Variants in CD8B2 observed in about 807,000 individuals in gnomAD.
CD8B2 encodes T-cell surface glycoprotein CD8 beta-2 chain.
CD8B2 carries 11 observed loss-of-function variants against 23.7 expected under a neutral mutation model. The ratio of observed to expected loss-of-function variants is 0.46; its 90% CI spans 0.29 to 0.77. The LOEUF is 0.77. Among genes scored for constraint, CD8B2 ranks in the 30% least tolerant of loss-of-function variants. The pLI is 0.09. For synonymous variants in CD8B2, 90 were observed against 109.3 expected, an observed-to-expected ratio of 0.82 and a Z score of 1.10; for missense variants, 197 against 270.5, an observed-to-expected ratio of 0.73 and a Z score of 1.91.
At chr2:106,502,908 C>T (rs891705986) in intron 4 of CD8B2, among the ~76,000 whole-genome samples, 9 of 151,852 alleles carry the variant, frequency 5.9e-5, no homozygotes, top group South Asian at 2.1e-4. Flanking sequence ...GCCTGGCACT[C>T]GGCACGTGTC....
intron 5 of CD8B2, among the ~76,000 whole-genome samples, chr2:106,528,198 C>T (rs993587294): frequency 6.6e-6 from 1 of 152,140 alleles, no homozygotes; most frequent in Non-Finnish European, 1.5e-5. Flanking sequence ...TCCTCAGATG[C>T]TTTGCCCATT....
chr2:106,521,531 T>A (rs1679825977), intron 5 of CD8B2: 1 of 152,236 alleles, frequency 6.6e-6, no homozygotes, highest in Admixed American at 6.5e-5. Context: ...TCTGCCTGTA[T>A]AATTTATTCT....
chr2:106,505,861 T>G (rs1679494977), intron 5 of CD8B2, among the ~76,000 whole-genome samples: 1 of 152,176 alleles, frequency 6.6e-6, no homozygotes, highest in Non-Finnish European at 1.5e-5. Flanking sequence ...CCGGGTGCGG[T>G]GGCTCAAGCC....
chr2:106,528,511 A>G (rs1268993957), intron 5 of CD8B2, among the ~76,000 whole-genome samples: 1 of 152,202 alleles, frequency 6.6e-6, no homozygotes, highest in Non-Finnish European at 1.5e-5. Context: ...CCACTTATTG[A>G]AAAGAAATGT....
chr2:106,489,803 C>T (rs1250705700), intron 1 of CD8B2, among the ~76,000 whole-genome samples: 1 of 152,174 alleles, frequency 6.6e-6, no homozygotes, highest in Admixed American at 6.5e-5. Context: ...TTCCAACCCT[C>T]AGAGGCAGGC....
chr2:106,519,674 G>A (rs1679792125), intron 5 of CD8B2, among the ~76,000 whole-genome samples: 1 of 152,162 alleles, frequency 6.6e-6, no homozygotes, highest in Non-Finnish European at 1.5e-5. Flanking sequence ...GTCCACCTTC[G>A]TGTAACACAG....
intron 5 of CD8B2, among the ~76,000 whole-genome samples, chr2:106,519,523 G>A (rs937813739): frequency 5.9e-5 from 9 of 152,366 alleles, no homozygotes; most frequent in African/African-American, 2.2e-4. Flanking sequence ...GCCTGATGGA[G>A]AGCGTTCCTG....
intron 3 of CD8B2, among the ~76,000 whole-genome samples, chr2:106,498,904 C>T (rs548355815): frequency 2.6e-5 from 4 of 152,118 alleles, no homozygotes; most frequent in African/African-American, 9.6e-5. Flanking sequence ...AAGACAACAC[C>T]CTTAGGTGCT....
intron 5 of CD8B2, among the ~76,000 whole-genome samples, chr2:106,533,853 G>A (rs1057233229): frequency 3.3e-5 from 5 of 152,190 alleles, no homozygotes; most frequent in African/African-American, 1.2e-4. Context: ...AGGCTTCTCA[G>A]GGAAGCAGCA....
downstream of CD8B2, among the ~76,000 whole-genome samples, chr2:106,512,179 G>A (rs1679645236): frequency 6.6e-6 from 1 of 152,120 alleles, no homozygotes; most frequent in East Asian, 1.9e-4. Flanking sequence ...CGGCTCAAGC[G>A]ATCCTTGCAC....
In CD8B2 at chr2:106,510,018, T is replaced by A. The variant is rs1160589947; in HGVS notation, c.*3078T>A. On this transcript the variant is annotated 3_prime_UTR_variant, in exon 6 of 6. Transcript: ENST00000643224. ...TTTAGGCGGCTGCTAAGGAATGAGC[T>A]AGATCCATATATGCTGATATCAAAT... 1 of 152,218 alleles carries A rather than the reference T, an allele frequency of 6.6e-6. No individual in the cohort carries two copies. The highest frequency in any genetic ancestry group is 2.4e-5 in the African/African-American group (1 of 41,462). The allele number at this position is 152,218 out of a possible 1,614,324, so 9.4% of individuals were successfully genotyped here. A position where few individuals can be genotyped will look rare whatever the true frequency, so the allele number is the denominator to read the frequency against.
At position 106,502,502 on chromosome 2, in the gene CD8B2, C is replaced by A; in HGVS notation, c.522C>A (p.Gly174=). ...CACTTTGTAGCCCCGTCACCCTTGG[C>A]CTGCTGGTGGCTGGCGTCCTGGTTC... The part of the protein sequence containing the change: ...KGPLCSPVTL[G]LLVAGVLVLL... The change falls in exon 4 of 6, where the codon GGC becomes GGA. Residue 174 remains glycine, a synonymous_variant. Coordinates refer to ENST00000643224, the MANE Select transcript of CD8B2 (RefSeq NM_001349727.2). 1.3e-6 allele frequency: 2 copies of A among 1,583,430 alleles called. No homozygotes were observed. The highest frequency in any genetic ancestry group is 1.7e-6 in the Non-Finnish European group (2 of 1,163,570).
chr2:106,502,996 G>T (rs551729798), intron 4 of CD8B2, among the ~76,000 whole-genome samples: 2 of 151,200 alleles, frequency 1.3e-5, no homozygotes, highest in African/African-American at 4.9e-5. Flanking sequence ...TTTGTGTTGT[G>T]TTCCTAGAAG....
intron 5 of CD8B2, among the ~76,000 whole-genome samples, chr2:106,531,689 C>G (rs1679991455): frequency 6.6e-6 from 1 of 152,200 alleles, no homozygotes; most frequent in Non-Finnish European, 1.5e-5. Flanking sequence ...CACCCTGGCT[C>G]TTCTCTTCAG....
downstream of CD8B2, among the ~76,000 whole-genome samples, chr2:106,511,440 T>C (rs1380793059): frequency 1.7e-4 from 26 of 150,964 alleles, no homozygotes; most frequent in African/African-American, 5.4e-4. Flanking sequence ...ACTGGTGTTC[T>C]CCCCTCCCCC....
intron 5 of CD8B2, among the ~76,000 whole-genome samples, chr2:106,516,214 G>A (rs1679727820): frequency 6.6e-6 from 1 of 152,116 alleles, no homozygotes; most frequent in African/African-American, 2.4e-5. Context: ...ACTTCTGTCT[G>A]TGCATTCCTT....
In CD8B2 at chr2:106,496,417, A is replaced by T. The variant is rs560630652; in HGVS notation, c.493+155A>T. ...AGGGTCAGAAAGGATGCTGAGTGTG[A>T]TAGCAACTCACAGTCTCGTGGGAGA... On this transcript the variant is annotated intron_variant, in intron 3 of 5. Transcript: ENST00000643224. 2.6e-5 allele frequency among the ~76,000 whole-genome samples: 4 copies of T among 151,122 alleles called. No homozygotes were observed. In the South Asian group the frequency reaches 8.5e-4, roughly 32 times the overall value.
At chr2:106,488,812 AG>A (rs11338817) in intron 1 of CD8B2, among the ~76,000 whole-genome samples, 32,715 of 151,924 alleles carry the variant, frequency 0.22, 4,728 homozygotes, top group East Asian at 0.75. Flanking sequence ...GCGCCATGCC[AG>A]GCACAGCTCA....
At chr2:106,496,819 A>G (rs1383961287) in intron 3 of CD8B2, among the ~76,000 whole-genome samples, 4 of 152,002 alleles carry the variant, frequency 2.6e-5, no homozygotes, top group Non-Finnish European at 5.9e-5. Context: ...AGGGGAATTT[A>G]AATGTTCTGA....
Sources: gnomAD v4.1 joint callset for allele counts (sites outside exome capture counted in the v4.1 genomes callset) on GRCh38, gnomAD v4.1.1 for gene constraint, MANE v1.5 for transcripts, NCBI Gene and HGNC (gene_info 2026-07-23, HGNC 2026-07-21) for gene names.